The following ITGA3 variants were observed in gnomAD, a reference collection of about 807,000 sequenced individuals.
The protein encoded by ITGA3 is integrin subunit alpha 3, also known as integrin alpha-3.
Under a neutral mutation model 131.1 loss-of-function variants are expected in ITGA3, and 70 were observed. That is an observed-to-expected ratio of 0.53 (90% confidence interval 0.44 to 0.65). The LOEUF is 0.65. Ranked by LOEUF, ITGA3 falls within the 30% of genes least tolerant of loss-of-function variation. ITGA3 has a pLI of 0.00. For synonymous variants in ITGA3, 537 were observed against 571.6 expected, an observed-to-expected ratio of 0.94 and a Z score of 0.86; for missense variants, 1,098 against 1,388.6, an observed-to-expected ratio of 0.79 and a Z score of 3.33.
intron 1 of ITGA3, among the ~76,000 whole-genome samples, chr17:50,061,264 G>A (rs1344427329): frequency 6.6e-6 from 1 of 152,156 alleles, no homozygotes; most frequent in Non-Finnish European, 1.5e-5. Context: ...CAGGCAGGAG[G>A]GTATTGGTGG....
chr17:50,066,194 G>C (rs1362938747), intron 3 of ITGA3, among the ~76,000 whole-genome samples: 1 of 151,946 alleles, frequency 6.6e-6, no homozygotes, highest in Non-Finnish European at 1.5e-5. Flanking sequence ...GGGTCTGACT[G>C]TGTTGCCCAG....
chr17:50,075,628 G>T lies in ITGA3; in HGVS notation c.1567G>T (p.Asp523Tyr), dbSNP rs1908849672. Residue 523 changes from aspartate to tyrosine, a missense_variant, in exon 12 of 26, where the codon GAC becomes TAC. This residue lies in a region of ITGA3 where 699 missense variants were observed against 829.2 expected (regional missense o/e 0.84). Coordinates refer to ENST00000320031, the MANE Select transcript of ITGA3 (RefSeq NM_002204.4). ...TLAYTLEADRDRRPPRLRFAG... is the reference protein window; with the variant it reads ...TLAYTLEADRYRRPPRLRFAG... ...GGCCTACACTCTGGAGGCTGACAGG[G>T]ACCGCCGGCCGCCCCGGCTCCGCTT... The T allele has an allele frequency of 1.2e-6, 2 of 1,614,118 alleles. No individual in the cohort carries two copies. Among genetic ancestry groups the T allele is most frequent in the African/African-American group, 2.7e-5 (2 of 74,952 alleles).
intron 1 of ITGA3, among the ~76,000 whole-genome samples, chr17:50,061,810 C>T (rs554925276): frequency 1.3e-5 from 2 of 152,218 alleles, no homozygotes; most frequent in Admixed American, 6.5e-5. Context: ...GAGGCCGAGG[C>T]GGGTGGATCA....
chr17:50,077,912 C>T (rs984217385), intron 16 of ITGA3, 134 bp from the exon 17 acceptor site: 1 of 688,426 alleles, frequency 1.5e-6, no homozygotes, highest in Admixed American at 2.5e-5. Flanking sequence ...GAGGTAGAGA[C>T]CCCTCACCCA....
intron 1 of ITGA3, among the ~76,000 whole-genome samples, chr17:50,063,191 C>A (rs1033821899): frequency 1.3e-5 from 2 of 151,610 alleles, no homozygotes; most frequent in South Asian, 2.1e-4. Flanking sequence ...TGTCTGCATC[C>A]CCAAAGATGG....
chr17:50,062,039 CAAA>C lies in ITGA3; in HGVS notation c.207-2023_207-2021del, dbSNP rs529147794. ...TGGGTGACAGAGCAAGACCCTGTCTCAAAAAAAAAAAAAAAAAGAAAGAAAAAA... is the reference window on the plus strand; with the variant it reads ...TGGGTGACAGAGCAAGACCCTGTCTCAAAAAAAAAAAAAAGAAAGAAAAAA... On this transcript the variant is annotated intron_variant, in intron 1 of 25. Transcript: ENST00000320031. Among the ~76,000 whole-genome samples the C allele has an allele frequency of 1.8e-4, 21 of 117,564 alleles. No individual in the cohort carries two copies. The East Asian group carries it at 3.0e-3, about 17-fold the overall frequency. 77.1% of individuals were successfully genotyped at this position (117,564 alleles called of 152,430 possible).
In ITGA3 at chr17:50,087,902, C is replaced by G. The variant is rs370414300; in HGVS notation, c.3045+33C>G. ...GCCCAGCCCACTCCTGCTCCGGGACCTCCACCAGCACACTCACCAGCCCTT... is the reference window on the plus strand; with the variant it reads ...GCCCAGCCCACTCCTGCTCCGGGACGTCCACCAGCACACTCACCAGCCCTT... On this transcript the variant is annotated intron_variant, in intron 24 of 25. Coordinates refer to ENST00000320031, the MANE Select transcript of ITGA3 (RefSeq NM_002204.4). 6.0e-5 allele frequency: 91 copies of G among 1,526,904 alleles called. No individual in the cohort carries two copies. The African/African-American group carries it at 9.1e-4, about 15-fold the overall frequency. The allele number at this position is 1,526,904 out of a possible 1,614,324, so 94.6% of individuals were successfully genotyped here.
chr17:50,072,986 G>C (rs1393933425), intron 7 of ITGA3, among the ~76,000 whole-genome samples: 1 of 152,130 alleles, frequency 6.6e-6, no homozygotes, highest in Non-Finnish European at 1.5e-5. Context: ...TGAGAACCAA[G>C]AGGAAGGCAA....
chr17:50,077,875 G>A, intron 16 of ITGA3, 171 bp from the exon 17 acceptor site: 1 of 594,058 alleles, frequency 1.7e-6, no homozygotes, highest in Non-Finnish European at 3.0e-6. Flanking sequence ...GAGAGAAAGG[G>A]GGAAAGGGAG....
intron 23 of ITGA3, chr17:50,087,160 G>A (rs1282161104): frequency 6.6e-6 from 1 of 152,210 alleles, no homozygotes; most frequent in Non-Finnish European, 1.5e-5. Flanking sequence ...TGTGTAGCAG[G>A]TGTTGCTCTA....
chr17:50,066,532 C>G (rs1908355951), intron 3 of ITGA3, among the ~76,000 whole-genome samples: 1 of 151,886 alleles, frequency 6.6e-6, no homozygotes, highest in African/African-American at 2.4e-5. Context: ...TGGCTCATTC[C>G]TTTGGGATGA....
Position 50,088,366 on chromosome 17 carries a change from G to C in ITGA3, c.*31G>C. The C allele has an allele frequency of 6.6e-7, 1 of 1,517,724 alleles. No homozygotes were observed. Among genetic ancestry groups the C allele is most frequent in the Non-Finnish European group, 9.0e-7 (1 of 1,116,518 alleles). The allele number at this position is 1,517,724 out of a possible 1,614,324, so 94.0% of individuals were successfully genotyped here. The stretch of plus-strand genomic sequence containing the variant: ...CAGCCCCCCGCCCCCGGCCCACCTG[G>C]GTAACACGGCCTCCGGGCCCCCTTC... On this transcript the variant is annotated splice_region_variant and 3_prime_UTR_variant, in exon 25 of 26. Coordinates refer to ENST00000320031, the MANE Select transcript of ITGA3 (RefSeq NM_002204.4).
intron 7 of ITGA3, among the ~76,000 whole-genome samples, chr17:50,072,816 G>A (rs1908691842): frequency 6.6e-6 from 1 of 152,074 alleles, no homozygotes. Flanking sequence ...TGGGAGCCCT[G>A]GATATAGGGG....
chr17:50,061,604 C>T (rs372623104), intron 1 of ITGA3, among the ~76,000 whole-genome samples: 26 of 152,108 alleles, frequency 1.7e-4, no homozygotes, highest in African/African-American at 5.3e-4. Context: ...TAGCTGCCAG[C>T]GCTCCCACCC....
chr17:50,071,248 G>T (rs150491650), intron 5 of ITGA3, 63 bp from the exon 6 acceptor site: 16 of 1,430,828 alleles, frequency 1.1e-5, no homozygotes, highest in Non-Finnish European at 1.6e-5. Context: ...AGGGAGATGG[G>T]TCCAGAGTAG....
At position 50,089,617 on chromosome 17, in the gene ITGA3, G is replaced by A. The variant is rs1022133620; in HGVS notation, c.*539G>A. On this transcript the variant is annotated 3_prime_UTR_variant, in exon 26 of 26. Transcript: ENST00000320031. The stretch of plus-strand genomic sequence containing the variant: ...AGCCAAAGAGCCTCCCACCAGAGCC[G>A]GGAGGAAAAGGCCCCTGCAATGTGG... 1 of 235,210 alleles carries A rather than the reference G, an allele frequency of 4.3e-6. No homozygotes were observed. The highest frequency in any genetic ancestry group is 8.4e-6 in the Non-Finnish European group (1 of 118,378). The allele number at this position is 235,210 out of a possible 1,614,324, so 14.6% of individuals were successfully genotyped here.
Position 50,056,339 on chromosome 17 carries a change from T to G in ITGA3, c.-101T>G, listed in dbSNP as rs1013834700. The G allele has an allele frequency of 1.2e-6, 1 of 808,274 alleles. No individual in the cohort carries two copies. The allele number at this position is 808,274 out of a possible 1,614,324, so 50.1% of individuals were successfully genotyped here. A position where few individuals can be genotyped will look rare whatever the true frequency, so the allele number is the denominator to read the frequency against. On this transcript the variant is annotated 5_prime_UTR_variant, in exon 1 of 26. Transcript: ENST00000320031. This position sits in a 1 kb window ranked among gnomAD's most constrained non-coding sequence, Gnocchi z 5.6. ...CTACGGAGCGCAGCGGCCGGCGGGT[T>G]CCAGTGTCCTCCGGCGGCGCGGGGA...
In ITGA3 at chr17:50,088,412, G is replaced by A. The variant is rs1022048222; in HGVS notation, c.*31+46G>A. The A allele has an allele frequency of 1.7e-5, 18 of 1,060,284 alleles. No individual in the cohort carries two copies. The East Asian group carries it at 2.1e-4, about 12-fold the overall frequency. The allele number at this position is 1,060,284 out of a possible 1,614,324, so 65.7% of individuals were successfully genotyped here. A position where few individuals can be genotyped will look rare whatever the true frequency, so the allele number is the denominator to read the frequency against. ...CCTTCCCCGAGCCCCACAGCTGGCC[G>A]GGCCTCTGACTCTGTCCTATCTGCT... is the stretch of plus-strand genomic sequence containing the variant. On this transcript the variant is annotated intron_variant, in intron 25 of 25. Transcript: ENST00000320031.
At position 50,077,058 on chromosome 17, in the gene ITGA3, C is replaced by T. The variant is rs1166415410; in HGVS notation, c.2007C>T (p.Asp669=). ...NTRTSERSGE[D]AHEALLTLVV... ...GGACCTCGGAGCGCTCCGGGGAGGA[C>T]GCCCACGAGGCGCTGCTCACCCTGG... Residue 669 remains aspartate, a synonymous_variant, in exon 15 of 26, where the codon GAC becomes GAT. Transcript: ENST00000320031. 1.2e-6 allele frequency: 2 copies of T among 1,603,988 alleles called. No homozygotes were observed. Among genetic ancestry groups the T allele is most frequent in the African/African-American group, 1.3e-5 (1 of 74,726 alleles).
Sources: gnomAD v4.1 joint callset for allele counts (sites outside exome capture counted in the v4.1 genomes callset) on GRCh38, gnomAD v4.1.1 for gene constraint, gnomAD v4.1.1 regional missense constraint, Gnocchi (gnomAD v3.1) non-coding constraint, MANE v1.5 for transcripts, NCBI Gene and HGNC (gene_info 2026-07-23, HGNC 2026-07-21) for gene names.